Variants in DPP10 observed in about 807,000 individuals in gnomAD.
The protein encoded by DPP10 is dipeptidyl peptidase like 10.
In DPP10, 33 loss-of-function variants were observed where a neutral mutation model predicts 120.9. The observed-to-expected ratio is 0.27, with a 90% confidence interval of 0.21 to 0.37. The LOEUF is 0.37. Among genes scored for constraint, DPP10 ranks in the 10% least tolerant of loss-of-function variants. DPP10 has a pLI of 1.00. For synonymous variants in DPP10, 337 were observed against 326.1 expected, an observed-to-expected ratio of 1.03 and a Z score of -0.36; for missense variants, 816 against 942.8, an observed-to-expected ratio of 0.87 and a Z score of 1.76.
intron 1 of DPP10, among the ~76,000 whole-genome samples, chr2:115,306,451 T>C (rs964260977): frequency 6.6e-6 from 1 of 152,110 alleles, no homozygotes; most frequent in African/African-American, 2.4e-5. Context: ...TTGTGCTGGC[T>C]GGGGAAACGG....
intron 3 of DPP10, among the ~76,000 whole-genome samples, chr2:115,479,296 A>T (rs1045577919): frequency 7.2e-5 from 11 of 152,156 alleles, no homozygotes; most frequent in Non-Finnish European, 1.6e-4. Flanking sequence ...TGCTAAGGGA[A>T]ATAAGCTAGT....
intron 13 of DPP10, among the ~76,000 whole-genome samples, chr2:115,772,588 A>G (rs545293903): frequency 6.6e-6 from 1 of 152,290 alleles, no homozygotes; most frequent in South Asian, 2.1e-4. Context: ...ACGTATTACT[A>G]TCAGTTTATG....
At chr2:115,395,451 C>A (rs1484336460) in intron 3 of DPP10, among the ~76,000 whole-genome samples, 1 of 152,148 alleles carries the variant, frequency 6.6e-6, no homozygotes, top group Non-Finnish European at 1.5e-5. Flanking sequence ...CACAGTTCAT[C>A]CCATAATAAC....
intron 1 of DPP10, among the ~76,000 whole-genome samples, chr2:114,453,872 T>C (rs1028261512): frequency 6.6e-6 from 1 of 152,194 alleles, no homozygotes; most frequent in Non-Finnish European, 1.5e-5. Context: ...CAAATGTTAG[T>C]TGGATATACA....
chr2:115,160,820 C>G (rs978534946), intron 1 of DPP10, among the ~76,000 whole-genome samples: 2 of 152,074 alleles, frequency 1.3e-5, no homozygotes, highest in Admixed American at 6.5e-5. Context: ...TCCCAATTCC[C>G]ACACAACGTA....
At chr2:115,813,369 G>C (rs111624066) in intron 19 of DPP10, among the ~76,000 whole-genome samples, 5 of 152,222 alleles carry the variant, frequency 3.3e-5, no homozygotes, top group African/African-American at 1.2e-4. Flanking sequence ...CCCTCTTTGC[G>C]CCTCTTCATA....
intron 1 of DPP10, among the ~76,000 whole-genome samples, chr2:115,191,465 G>A (rs2054876343): frequency 1.3e-5 from 2 of 152,198 alleles, no homozygotes; most frequent in Non-Finnish European, 2.9e-5. Flanking sequence ...GTATAACGAG[G>A]CAAGGATCAA....
At chr2:114,891,225 A>G (rs540208432) in intron 1 of DPP10, among the ~76,000 whole-genome samples, 4 of 152,208 alleles carry the variant, frequency 2.6e-5, no homozygotes, top group Admixed American at 2.0e-4. Context: ...CAAGCTGAGT[A>G]GAGAAAGAGA....
rs148244605 is a variant in DPP10, at chr2:114,507,248, C to T, written c.60+64410C>T. The stretch of plus-strand genomic sequence containing the variant: ...AGTTTTTGTAGAGACAGAGTTTTAC[C>T]GTGTTGTCCCGGCTGGCCTCAAATT... On this transcript the variant is annotated intron_variant, in intron 1 of 25. Transcript: ENST00000410059. Among the ~76,000 whole-genome samples the T allele has an allele frequency of 2.2e-4, 33 of 152,120 alleles. No individual in the cohort carries two copies. In the East Asian group the frequency reaches 5.4e-3, roughly 25 times the overall value.
chr2:115,408,932 T>C (rs2104559906), intron 3 of DPP10, among the ~76,000 whole-genome samples: 1 of 151,668 alleles, frequency 6.6e-6, no homozygotes, highest in Admixed American at 6.6e-5. Flanking sequence ...TCCAAAGTAA[T>C]TAGAAGTAAA....
At chr2:115,330,725 G>A (rs2062675565) in intron 2 of DPP10, among the ~76,000 whole-genome samples, 1 of 152,032 alleles carries the variant, frequency 6.6e-6, no homozygotes, top group Non-Finnish European at 1.5e-5. Context: ...TCTCAGGTTT[G>A]TCAAAGATCA....
intron 5 of DPP10, among the ~76,000 whole-genome samples, chr2:115,673,041 G>A (rs530541274): frequency 1.9e-4 from 29 of 152,094 alleles, no homozygotes; most frequent in Non-Finnish European, 2.9e-4. Context: ...AAGCCACTGC[G>A]CCCGACTATC....
At chr2:114,623,735 G>A (rs192474914) in intron 1 of DPP10, among the ~76,000 whole-genome samples, 22 of 152,142 alleles carry the variant, frequency 1.4e-4, no homozygotes, top group Non-Finnish European at 2.6e-4. Flanking sequence ...CAAACAGATG[G>A]ACTTAAATTG....
rs1477197484 is a variant in DPP10, at chr2:115,570,965, AGGGGAGTCGGTG to A, written c.441+44996_441+45007del. On this transcript the variant is annotated intron_variant, in intron 5 of 25. Coordinates refer to ENST00000410059, the MANE Select transcript of DPP10 (RefSeq NM_020868.6). ...TGACTGCCACCACCACAGGACGGAG[AGGGGAGTCGGTG>A]GGCATTAACCACAGTGTAAATCAGG... is the stretch of plus-strand genomic sequence containing the variant. Among the ~76,000 whole-genome samples, 6 of 152,212 alleles carry A rather than the reference AGGGGAGTCGGTG, an allele frequency of 3.9e-5. No individual in the cohort carries two copies. In the East Asian group the frequency reaches 1.2e-3, roughly 30 times the overall value.
chr2:114,526,066 A>G (rs751556241), intron 1 of DPP10, among the ~76,000 whole-genome samples: 1 of 152,228 alleles, frequency 6.6e-6, no homozygotes, highest in Non-Finnish European at 1.5e-5. Context: ...CACTGAAAAC[A>G]AAGTCATATT....
At chr2:114,602,457 A>G (rs1026170506) in intron 1 of DPP10, among the ~76,000 whole-genome samples, 1 of 151,968 alleles carries the variant, frequency 6.6e-6, no homozygotes, top group South Asian at 2.1e-4. Context: ...AATCACTACC[A>G]TCACTATTAT....
intron 2 of DPP10, among the ~76,000 whole-genome samples, chr2:115,310,657 A>G (rs2106030983): frequency 6.6e-6 from 1 of 152,274 alleles, no homozygotes; most frequent in Admixed American, 6.5e-5. Context: ...CCTCATTTGT[A>G]CATCTGCAGT....
At chr2:114,822,240 G>A (rs1686154158) in intron 1 of DPP10, among the ~76,000 whole-genome samples, 1 of 152,148 alleles carries the variant, frequency 6.6e-6, no homozygotes, top group Non-Finnish European at 1.5e-5. Context: ...TGCACCCACA[G>A]GCTCAACAGC....
chr2:115,393,947 T>C (rs2067492036), intron 3 of DPP10, among the ~76,000 whole-genome samples: 1 of 152,144 alleles, frequency 6.6e-6, no homozygotes, highest in Non-Finnish European at 1.5e-5. Context: ...AAGAACTTTG[T>C]AGTTAGTTGA....
Sources: allele counts gnomAD v4.1 joint callset (sites outside exome capture counted in the v4.1 genomes callset), GRCh38; gene constraint gnomAD v4.1.1; transcripts MANE v1.5; gene names NCBI Gene and HGNC (gene_info 2026-07-23, HGNC 2026-07-21).